HPSE2: variants seen among roughly 807,000 people sequenced by gnomAD.
The protein encoded by HPSE2 is inactive heparanase-2.
HPSE2 carries 38 observed loss-of-function variants against 60.5 expected under a neutral mutation model. The observed-to-expected ratio is 0.63, with a 90% CI of 0.48 to 0.82. The LOEUF is 0.82. HPSE2 is among the 40% of genes least tolerant of loss of function. The pLI is 0.00. For missense variants in HPSE2, 713 were observed against 740.4 expected (o/e 0.96, Z 0.43); for synonymous variants, 295 against 293.2 (o/e 1.01, Z -0.06).
intron 9 of HPSE2, among the ~76,000 whole-genome samples, chr10:98,519,908 A>G (rs888757976): frequency 6.6e-6 from 1 of 152,220 alleles, no homozygotes; most frequent in Non-Finnish European, 1.5e-5. Flanking sequence ...TAAAGAATTA[A>G]ACTGTATCTG....
intron 5 of HPSE2, among the ~76,000 whole-genome samples, chr10:98,699,950 T>C (rs1450093292): frequency 6.9e-6 from 1 of 145,960 alleles, no homozygotes; most frequent in African/African-American, 2.5e-5. Flanking sequence ...GTGAAGGACC[T>C]CTTCAAGGAG....
At chr10:99,249,460 G>A in the HPSE2 span, among the ~76,000 whole-genome samples, 1 of 152,248 alleles carries the variant, frequency 6.6e-6, no homozygotes, top group Non-Finnish European at 1.5e-5. Flanking sequence ...TGGAATGGGT[G>A]TATTTACCCA....
At chr10:98,684,753 G>C (rs913326519) in intron 6 of HPSE2, among the ~76,000 whole-genome samples, 1 of 151,950 alleles carries the variant, frequency 6.6e-6, no homozygotes, top group African/African-American at 2.4e-5. Context: ...AATTTGGAGT[G>C]GGAAGGGAGG....
chr10:98,572,074 G>A (rs1008043883), intron 9 of HPSE2, among the ~76,000 whole-genome samples: 14 of 151,678 alleles, frequency 9.2e-5, no homozygotes, highest in Admixed American at 3.3e-4. Flanking sequence ...CCAAGTAGCT[G>A]GGATTACAGG....
intron 11 of HPSE2, among the ~76,000 whole-genome samples, chr10:98,473,787 G>T (rs1406647074): frequency 6.6e-6 from 1 of 152,066 alleles, no homozygotes; most frequent in East Asian, 1.9e-4. Context: ...AAACACCTTT[G>T]GCCTAATACA....
intron 3 of HPSE2, among the ~76,000 whole-genome samples, chr10:98,821,628 G>T (rs837720): frequency 6.6e-6 from 1 of 151,666 alleles, no homozygotes; most frequent in Admixed American, 6.6e-5. Flanking sequence ...AACTGCAAAC[G>T]TTTACACCAA....
At chr10:98,572,367 C>A (rs1163198310) in intron 9 of HPSE2, among the ~76,000 whole-genome samples, 2 of 152,182 alleles carry the variant, frequency 1.3e-5, no homozygotes, top group Non-Finnish European at 2.9e-5. Context: ...ATAGCATCTG[C>A]ATGTTCCAGA....
chr10:98,989,895 C>T (rs189152048), intron 3 of HPSE2, among the ~76,000 whole-genome samples: 4 of 152,302 alleles, frequency 2.6e-5, no homozygotes, highest in Non-Finnish European at 5.9e-5. Flanking sequence ...TCTGCTGTCT[C>T]ATCACTGAAT....
intron 3 of HPSE2, among the ~76,000 whole-genome samples, chr10:98,952,192 C>T (rs1284594513): frequency 1.3e-5 from 2 of 152,136 alleles, no homozygotes; most frequent in East Asian, 3.9e-4. Flanking sequence ...CTCCTTTTCA[C>T]AAGTGAGGTG....
chr10:98,838,095 A>G (rs1433091256), intron 3 of HPSE2, among the ~76,000 whole-genome samples: 1 of 152,158 alleles, frequency 6.6e-6, no homozygotes, highest in East Asian at 1.9e-4. Context: ...TGCCCCTAAC[A>G]TAGCAAGCTG....
chr10:99,060,828 A>C (rs546044130), intron 3 of HPSE2, among the ~76,000 whole-genome samples: 1 of 152,234 alleles, frequency 6.6e-6, no homozygotes, highest in African/African-American at 2.4e-5. Flanking sequence ...CATTAGGTGA[A>C]ATAAACCAGG....
At chr10:98,939,060 T>G (rs1460154602) in intron 3 of HPSE2, among the ~76,000 whole-genome samples, 3 of 143,896 alleles carry the variant, frequency 2.1e-5, no homozygotes, top group Admixed American at 6.9e-5. Flanking sequence ...CCACCAGGCC[T>G]GCCCTAAAAC....
At chr10:98,863,878 G>A (rs1241933294) in intron 3 of HPSE2, among the ~76,000 whole-genome samples, 1 of 152,026 alleles carries the variant, frequency 6.6e-6, no homozygotes, top group Non-Finnish European at 1.5e-5. Context: ...ACTTTTAAGT[G>A]AATTTCATTA....
At chr10:99,031,727 T>C (rs1320086817) in intron 3 of HPSE2, among the ~76,000 whole-genome samples, 2 of 152,122 alleles carry the variant, frequency 1.3e-5, no homozygotes, top group Non-Finnish European at 1.5e-5. Context: ...TTGATAATAT[T>C]TGGGTTATCT....
At position 99,220,835 on chromosome 10, in the gene HPSE2, A is replaced by C. The variant is rs562473583; in HGVS notation, c.448+11513T>G. ...AAAAAAAAAAAAAAGTGGGAATGGA[A>C]CATGAAGGGAGGCTTTCACTTTTTT... On this transcript the variant is annotated intron_variant, in intron 2 of 11. Transcript: ENST00000370552. Among the ~76,000 whole-genome samples, 1,160 of 148,460 alleles carry C rather than the reference A, an allele frequency of 7.8e-3. 11 individuals are homozygous for C. Among genetic ancestry groups the C allele is most frequent in the African/African-American group, 0.027 (1,084 of 40,226 alleles).
At chr10:99,204,540 A>G (rs1416404666) in intron 2 of HPSE2, among the ~76,000 whole-genome samples, 1 of 152,236 alleles carries the variant, frequency 6.6e-6, no homozygotes, top group African/African-American at 2.4e-5. Flanking sequence ...AAAGAACACA[A>G]TAATCTCCCA....
intron 6 of HPSE2, among the ~76,000 whole-genome samples, chr10:98,670,745 C>T (rs1023125084): frequency 6.6e-6 from 1 of 152,256 alleles, no homozygotes; most frequent in Non-Finnish European, 1.5e-5. Context: ...CATTGTGAAA[C>T]TCCCTGCCCT....
chr10:99,310,734 C>T, the HPSE2 span, among the ~76,000 whole-genome samples: 1 of 152,114 alleles, frequency 6.6e-6, no homozygotes, highest in East Asian at 1.9e-4. Flanking sequence ...TCAAGCAATT[C>T]TCCCACCTCA....
the HPSE2 span, among the ~76,000 whole-genome samples, chr10:99,247,389 A>G: frequency 1.3e-5 from 2 of 152,260 alleles, no homozygotes; most frequent in African/African-American, 4.8e-5. Flanking sequence ...TTTAAAAGTA[A>G]GGAAGTTCTG....
Sources: gnomAD v4.1 joint callset for allele counts (sites outside exome capture counted in the v4.1 genomes callset) on GRCh38, gnomAD v4.1.1 for gene constraint, MANE v1.5 for transcripts, NCBI Gene and HGNC (gene_info 2026-07-23, HGNC 2026-07-21) for gene names.